The following RANBP17 variants were observed in gnomAD, a reference collection of about 807,000 sequenced individuals.
RANBP17 encodes RAN binding protein 17.
RANBP17 carries 158 observed loss-of-function variants against 141.2 expected under a neutral mutation model. The observed-to-expected ratio is 1.12, with a 90% CI of 0.98 to 1.28. RANBP17 has a LOEUF of 1.28. Ranked by LOEUF, RANBP17 falls within the 50% of genes most tolerant of loss-of-function variation. The pLI is 0.00. For missense variants in RANBP17, 1,438 were observed against 1,290.7 expected (o/e 1.11, Z -1.75); for synonymous variants, 430 against 450.0 (o/e 0.96, Z 0.56).
chr5:171,041,719 A>C (rs1007163409), intron 14 of RANBP17, among the ~76,000 whole-genome samples: 1 of 152,176 alleles, frequency 6.6e-6, no homozygotes, highest in Admixed American at 6.6e-5. Context: ...AAGGCACAGT[A>C]AAAAATACAC....
At position 170,881,906 on chromosome 5, in the gene RANBP17, T is replaced by G. The variant is rs1302404627; in HGVS notation, c.256+10T>G. 4 of 1,562,966 alleles carry G rather than the reference T, an allele frequency of 2.6e-6. No individual in the cohort carries two copies. In the South Asian group the frequency reaches 4.7e-5, roughly 19 times the overall value. The stretch of plus-strand genomic sequence containing the variant: ...CAGAGGATGGACATCAGTAAGTGGC[T>G]TATTATGCTTTTTAACCAACTGCGC... On this transcript the variant is annotated intron_variant, in intron 3 of 27. Coordinates refer to ENST00000523189, the MANE Select transcript of RANBP17 (RefSeq NM_022897.5).
intron 14 of RANBP17, among the ~76,000 whole-genome samples, chr5:171,136,195 T>C (rs766508114): frequency 5.9e-5 from 9 of 152,224 alleles, no homozygotes; most frequent in Admixed American, 2.0e-4. Context: ...TTTTTTTCCT[T>C]TTAATTTGTA....
At chr5:171,074,198 A>T (rs922429251) in intron 14 of RANBP17, among the ~76,000 whole-genome samples, 1 of 152,196 alleles carries the variant, frequency 6.6e-6, no homozygotes, top group Non-Finnish European at 1.5e-5. Flanking sequence ...CATCTGTGGT[A>T]TTAGTCCCAT....
chr5:170,923,593 A>G (rs1772658174), intron 11 of RANBP17, among the ~76,000 whole-genome samples: 1 of 152,220 alleles, frequency 6.6e-6, no homozygotes, highest in African/African-American at 2.4e-5. Flanking sequence ...AAGAATTGAC[A>G]TCTCAACAAT....
At chr5:171,233,101 G>A (rs541420056) in intron 22 of RANBP17, among the ~76,000 whole-genome samples, 5 of 152,312 alleles carry the variant, frequency 3.3e-5, no homozygotes, top group African/African-American at 1.2e-4. Context: ...AGCACTTTGG[G>A]AGGCTGATGC....
chr5:171,252,792 C>A, intron 24 of RANBP17: 1 of 1,243,246 alleles, frequency 8.0e-7, no homozygotes, highest in Non-Finnish European at 1.2e-6. Flanking sequence ...GTGTGTGCAG[C>A]CTCATTGTCA....
chr5:171,176,093 G>T (rs573258772), intron 16 of RANBP17, among the ~76,000 whole-genome samples: 4 of 152,180 alleles, frequency 2.6e-5, no homozygotes, highest in African/African-American at 9.6e-5. Flanking sequence ...CTTCCATTTG[G>T]CCTCAGACTG....
intron 14 of RANBP17, among the ~76,000 whole-genome samples, chr5:171,146,245 C>A (rs902648723): frequency 6.6e-6 from 1 of 152,098 alleles, no homozygotes; most frequent in South Asian, 2.1e-4. Flanking sequence ...CCAAAAATCT[C>A]GGAGCATATT....
At chr5:170,892,653 A>G (rs1249934636) in intron 4 of RANBP17, 100 bp downstream of exon 4, 1 of 781,394 alleles carries the variant, frequency 1.3e-6, no homozygotes, top group Non-Finnish European at 2.0e-6. Context: ...TGTGACTACC[A>G]GTACCATGTT....
intron 22 of RANBP17, among the ~76,000 whole-genome samples, chr5:171,238,475 A>G (rs1764679064): frequency 6.6e-6 from 1 of 152,152 alleles, no homozygotes; most frequent in African/African-American, 2.4e-5. Context: ...CTGTTGCTAC[A>G]GAATATAGGA....
rs1253910179 is a variant in RANBP17 at position 171,093,724 on chromosome 5, C to T, written c.1711-76406C>T. Among the ~76,000 whole-genome samples, 3 of 152,182 alleles carry T rather than the reference C, an allele frequency of 2.0e-5. No homozygotes were observed. The East Asian group carries it at 5.8e-4, about 29-fold the overall frequency. On this transcript the variant is annotated intron_variant, in intron 14 of 27. Transcript: ENST00000523189. ...TCAGATTAAGTATGTATGTATCACACACTTTTTCACTTATAGCAGTAATCC... is the reference window on the plus strand; with the variant it reads ...TCAGATTAAGTATGTATGTATCACATACTTTTTCACTTATAGCAGTAATCC...
intron 5 of RANBP17, among the ~76,000 whole-genome samples, chr5:170,907,900 A>G (rs906910032): frequency 7.2e-5 from 11 of 151,936 alleles, no homozygotes; most frequent in South Asian, 2.1e-4. Flanking sequence ...AAAGAAGGCA[A>G]GTGGCCAAAA....
intron 16 of RANBP17, among the ~76,000 whole-genome samples, chr5:171,175,801 CTT>C (rs79299003): frequency 1.7e-4 from 24 of 144,010 alleles, no homozygotes; most frequent in East Asian, 4.0e-4. Flanking sequence ...TTTATCCAAA[CTT>C]TTTTTTTTTT....
chr5:171,293,057 C>G (rs900999348), intron 25 of RANBP17, among the ~76,000 whole-genome samples: 7 of 152,140 alleles, frequency 4.6e-5, no homozygotes, highest in Admixed American at 1.3e-4. Context: ...TTGATGCCTT[C>G]TTTGCTTAGA....
intron 14 of RANBP17, among the ~76,000 whole-genome samples, chr5:171,051,442 A>G (rs763944865): frequency 2.8e-4 from 43 of 152,112 alleles, no homozygotes; most frequent in African/African-American, 8.2e-4. Context: ...TTCTGTCTGT[A>G]TAGATTTGCC....
chr5:171,206,994 C>CT (rs1189197544), intron 20 of RANBP17: 7 of 175,052 alleles, frequency 4.0e-5, no homozygotes, highest in East Asian at 9.6e-5. Context: ...TTATTTCTGC[C>CT]TTTTTTTTAA....
chr5:171,057,228 A>G (rs184990616), intron 14 of RANBP17, among the ~76,000 whole-genome samples: 114 of 152,306 alleles, frequency 7.5e-4, no homozygotes, highest in Admixed American at 1.4e-3. Flanking sequence ...ATGTTCACAC[A>G]CAGAATTTCT....
At chr5:170,967,911 T>G (rs1315653991) in intron 13 of RANBP17, among the ~76,000 whole-genome samples, 19 of 151,660 alleles carry the variant, frequency 1.3e-4, no homozygotes, top group Admixed American at 1.2e-3. Context: ...ATAGTAAATT[T>G]TTACTGTAGT....
intron 16 of RANBP17, among the ~76,000 whole-genome samples, chr5:171,173,285 G>A (rs1235379962): frequency 1.3e-5 from 2 of 151,782 alleles, no homozygotes; most frequent in Non-Finnish European, 2.9e-5. Flanking sequence ...TGATTTTAAA[G>A]CAATACATTA....
Sources: allele counts gnomAD v4.1 joint callset (sites outside exome capture counted in the v4.1 genomes callset), GRCh38; gene constraint gnomAD v4.1.1; transcripts MANE v1.5; gene names NCBI Gene and HGNC (gene_info 2026-07-23, HGNC 2026-07-21).